ERCC2: variants seen among roughly 807,000 people sequenced by gnomAD.
ERCC2 encodes the protein ERCC excision repair 2, TFIIH core complex helicase subunit.
In ERCC2, 90 loss-of-function variants were observed where a neutral mutation model predicts 99.4. The observed-to-expected ratio is 0.91, with a 90% confidence interval of 0.76 to 1.08. The LOEUF (loss-of-function observed/expected upper bound fraction) is 1.08. Ranked by LOEUF, ERCC2 falls within the 50% of genes least tolerant of loss-of-function variation. The probability of loss-of-function intolerance (pLI) is 0.00; values close to 1 mark genes in which losing one functional copy is unlikely to be tolerated. For synonymous variants in ERCC2, 497 were observed against 432.4 expected (o/e 1.15, Z -1.85); for missense variants, 993 against 1,038.1 (o/e 0.96, Z 0.60).
In ERCC2 at chr19:45,350,475, C is replaced by CTA. The variant is rs761167450; in HGVS notation, c.*1152_*1153dup. The CTA allele has an allele frequency of 4.3e-6, 7 of 1,613,394 alleles. No individual in the cohort carries two copies. In the South Asian group the frequency reaches 6.6e-5, roughly 15 times the overall value. On this transcript the variant is annotated 3_prime_UTR_variant, in exon 23 of 23. Coordinates refer to ENST00000391945, the MANE Select transcript of ERCC2 (RefSeq NM_000400.4). The stretch of plus-strand genomic sequence containing the variant: ...TCTGTCTTCCCTCCTGGTGGCTTCT[C>CTA]TATGTCCCCATCTCAGTGTCCCCCA...
At position 45,367,342 on chromosome 19, in the gene ERCC2, A is replaced by G. The variant is rs1031707260; in HGVS notation, c.360+1288T>C. Among the ~76,000 whole-genome samples the G allele has an allele frequency of 2.2e-5, 3 of 136,668 alleles. No individual in the cohort carries two copies. In the East Asian group the frequency reaches 6.4e-4, roughly 29 times the overall value. 89.7% of individuals were successfully genotyped at this position (136,668 alleles called of 152,430 possible). ...AGAGTGAGACTCCGTCTCAAAAACA[A>G]AACAAAACAAAAATATATATATATA... On this transcript the variant is annotated intron_variant, in intron 5 of 22. Transcript: ENST00000391945.
At chr19:45,357,140 G>C (rs1972038719) in intron 15 of ERCC2, 130 bp downstream of exon 15, 1 of 669,552 alleles carries the variant, frequency 1.5e-6, no homozygotes, top group Non-Finnish European at 2.7e-6. Flanking sequence ...GCCTAAGTCT[G>C]TCTGAATCCC....
At chr19:45,353,791 T>C (rs238416) in intron 17 of ERCC2, among the ~76,000 whole-genome samples, 107,329 of 152,094 alleles carry the variant, frequency 0.71, 39,139 homozygotes, top group African/African-American at 0.9. Flanking sequence ...AAGTGGATTT[T>C]CAAATGGAAC....
rs1971724731 is a variant in ERCC2 at position 45,350,863 on chromosome 19, C to T, written c.*766G>A. 8.0e-7 allele frequency: 1 copy of T among 1,247,846 alleles called. No individual in the cohort carries two copies. Among genetic ancestry groups the T allele is most frequent in the Non-Finnish European group, 1.1e-6 (1 of 904,996 alleles). The allele number at this position is 1,247,846 out of a possible 1,614,324, so 77.3% of individuals were successfully genotyped here. On this transcript the variant is annotated 3_prime_UTR_variant, in exon 23 of 23. Transcript: ENST00000391945. ...CATGGCTCCCATCTCCCCTGTGATA[C>T]ACACAGATCAAACCCTGTGCTGGAA...
Position 45,353,295 on chromosome 19 carries a change from TA to T in ERCC2, c.1704del (p.Phe568LeufsTer141). 1 of 1,613,976 alleles carries T rather than the reference TA, an allele frequency of 6.2e-7. No individual in the cohort carries two copies. The highest frequency in any genetic ancestry group is 8.5e-7 in the Non-Finnish European group (1 of 1,179,968). On this transcript the variant is annotated frameshift_variant, in exon 18 of 23. Coordinates refer to ENST00000391945, the MANE Select transcript of ERCC2 (RefSeq NM_000400.4). LOFTEE classifies it high-confidence loss of function. ...LENIQRNKLL[F>X]IETQDGAETS... ...GTTTCGGCACCATCCTGGGTCTCAA[TA>T]AAGAGCAGCTTGTTCCTCTGGATGT...
rs1971847837 is a variant in ERCC2, at chr19:45,352,599, A to C, written c.1953T>G (p.Phe651Leu). 1 of 1,613,904 alleles carries C rather than the reference A, an allele frequency of 6.2e-7. No individual in the cohort carries two copies. Among genetic ancestry groups the C allele is most frequent in the South Asian group, 1.1e-5 (1 of 91,086 alleles). ...CGTGGCGCATGGCATCGAAGGTAAG[A>C]AAGTCATTCTCACGAATCTGGAACT... ...RDQFQIRENDFLTFDAMRHAA... is the reference protein window; with the variant it reads ...RDQFQIRENDLLTFDAMRHAA... The change falls in exon 21 of 23, where the codon TTT becomes TTG. Residue 651 changes from phenylalanine (F) to leucine (L), a missense_variant. This residue lies in a region of ERCC2 where 909 missense variants were observed against 930.8 expected (regional missense o/e 0.98). Coordinates refer to ENST00000391945, the MANE Select transcript of ERCC2 (RefSeq NM_000400.4).
rs755958597 is a variant in ERCC2 at position 45,350,679 on chromosome 19, G to GTCTATCAGGC, written c.*940_*949dup. ...GCAGCTCACTCTCCAAGATCCGTGA[G>GTCTATCAGGC]TCTATCAGGCGAGGAAGTGAGAAGC... On this transcript the variant is annotated 3_prime_UTR_variant, in exon 23 of 23. Transcript: ENST00000391945. The GTCTATCAGGC allele has an allele frequency of 1.1e-5, 18 of 1,613,898 alleles. No individual in the cohort carries two copies. In the Middle Eastern group the frequency reaches 2.1e-3, roughly 192 times the overall value.
chr19:45,351,421 G>C lies in ERCC2; in HGVS notation c.*208C>G. ...AGTGCAGGAGGGATGGGCTGGTGGG[G>C]TGAGAGGGGGTCTATCATCTCCTGG... is the stretch of plus-strand genomic sequence containing the variant. On this transcript the variant is annotated 3_prime_UTR_variant, in exon 23 of 23. Transcript: ENST00000391945. 6.3e-7 allele frequency: 1 copy of C among 1,593,640 alleles called. No homozygotes were observed. The highest frequency in any genetic ancestry group is 1.1e-5 in the South Asian group (1 of 90,576).
Position 45,357,661 on chromosome 19 carries a change from G to C in ERCC2, c.1276C>G (p.Pro426Ala), listed in dbSNP as rs577723968. ...TGCAGGATGGGGTTGGCAATGGTCG[G>C]GGTTCTGTCGTCAAAGGGCTCGATG... ...IIIEPFDDRT[P>A]TIANPILHFS... The change falls in exon 13 of 23, where the codon CCG becomes GCG. Residue 426 changes from proline to alanine, a missense_variant. By Grantham distance (27) the Pro-to-Ala change is conservative (BLOSUM62 -1). Around this residue, in one of 3 missense-constraint regions of ERCC2, gnomAD observed 909 missense variants for 930.8 expected, o/e 0.98. Coordinates refer to ENST00000391945, the MANE Select transcript of ERCC2 (RefSeq NM_000400.4). 1.8e-5 allele frequency: 29 copies of C among 1,614,090 alleles called. 1 individual carries two copies. The South Asian group carries it at 3.0e-4, about 16-fold the overall frequency.
chr19:45,370,512 C>A (rs746583562), intron 1 of ERCC2, 24 bp downstream of exon 1: 7 of 1,580,116 alleles, frequency 4.4e-6, no homozygotes, highest in Non-Finnish European at 5.1e-6. Context: ...CGCTAGCGAG[C>A]GCGACCCCCA....
intron 17 of ERCC2, 44 bp from the exon 18 acceptor site, chr19:45,353,378 CCA>C (rs1341508269): frequency 7.2e-7 from 1 of 1,385,360 alleles, no homozygotes; most frequent in Non-Finnish European, 1.0e-6. Context: ...CAGGGCACAG[CCA>C]TCCTGGTTAC....
chr19:45,364,742 C>T (rs1972364376), intron 7 of ERCC2, 96 bp downstream of exon 7: 1 of 1,266,020 alleles, frequency 7.9e-7, no homozygotes, highest in East Asian at 2.4e-5. Flanking sequence ...CAGGCAGACT[C>T]ACAGCAAGCA....
chr19:45,368,027 C>T (rs942721712), intron 5 of ERCC2, among the ~76,000 whole-genome samples: 4 of 151,730 alleles, frequency 2.6e-5, no homozygotes, highest in African/African-American at 9.7e-5. Flanking sequence ...GTGTACACCA[C>T]CACCCCCGGC....
intron 12 of ERCC2, chr19:45,358,095 G>C (rs993436749): frequency 2.1e-5 from 7 of 326,654 alleles, no homozygotes; most frequent in South Asian, 1.4e-4. Context: ...GCCCAGGCTA[G>C]AGTGCAGTGG....
At chr19:45,366,197 C>T (rs1461035225) in intron 5 of ERCC2, among the ~76,000 whole-genome samples, 1 of 151,678 alleles carries the variant, frequency 6.6e-6, no homozygotes, top group Non-Finnish European at 1.5e-5. Flanking sequence ...GGCTGGAGTG[C>T]AATGGCACGA....
chr19:45,370,567 T>C lies in ERCC2; in HGVS notation c.-27A>G. On this transcript the variant is annotated 5_prime_UTR_variant, in exon 1 of 23. Coordinates refer to ENST00000391945, the MANE Select transcript of ERCC2 (RefSeq NM_000400.4). ...GCGCCGGCCGGACTGTGCAGCGGGGTCGACCCGCCTCCCTCATGAATATTC... is the reference window on the plus strand; with the variant it reads ...GCGCCGGCCGGACTGTGCAGCGGGGCCGACCCGCCTCCCTCATGAATATTC... 3.2e-6 allele frequency: 5 copies of C among 1,546,136 alleles called. No homozygotes were observed. Among genetic ancestry groups the C allele is most frequent in the Non-Finnish European group, 4.3e-6 (5 of 1,150,270 alleles).
chr19:45,351,407 G>A lies in ERCC2; in HGVS notation c.*222C>T, dbSNP rs1314709345. 3.8e-6 allele frequency: 6 copies of A among 1,599,756 alleles called. No homozygotes were observed. Among genetic ancestry groups the A allele is most frequent in the Non-Finnish European group, 5.1e-6 (6 of 1,176,400 alleles). On this transcript the variant is annotated 3_prime_UTR_variant, in exon 23 of 23. Transcript: ENST00000391945. Reference sequence around the variant, plus strand: ...AGCTTCTTGGGAACAGTGCAGGAGGGATGGGCTGGTGGGGTGAGAGGGGGT... The same window carrying A: ...AGCTTCTTGGGAACAGTGCAGGAGGAATGGGCTGGTGGGGTGAGAGGGGGT...
At chr19:45,370,312 G>A in intron 1 of ERCC2, 80 bp from the exon 2 acceptor site, 1 of 1,573,440 alleles carries the variant, frequency 6.4e-7, no homozygotes, top group Non-Finnish European at 8.7e-7. Flanking sequence ...GTCGAGCCCA[G>A]AGAAGGGTGA....
chr19:45,365,627 A>T (rs1287836677), intron 5 of ERCC2, among the ~76,000 whole-genome samples: 1 of 151,102 alleles, frequency 6.6e-6, no homozygotes, highest in Non-Finnish European at 1.5e-5. Context: ...ATAAGTAAAA[A>T]TAAAAATACA....
Sources: allele counts gnomAD v4.1 joint callset (sites outside exome capture counted in the v4.1 genomes callset), GRCh38; gene constraint gnomAD v4.1.1; regional missense constraint gnomAD v4.1.1; transcripts MANE v1.5; gene names NCBI Gene and HGNC (gene_info 2026-07-23, HGNC 2026-07-21).